The following CCDC68 variants were observed in gnomAD, a reference collection of about 807,000 sequenced individuals.
The protein encoded by CCDC68 is coiled-coil domain containing 68, also known as coiled-coil domain-containing protein 68.
In CCDC68, 45 loss-of-function variants were observed where a neutral mutation model predicts 47.1. The observed-to-expected ratio is 0.96, with a 90% CI of 0.75 to 1.23. CCDC68 has a LOEUF of 1.23. Ranked by LOEUF, CCDC68 falls within the 50% of genes most tolerant of loss-of-function variation. CCDC68 has a pLI of 0.00. For missense variants in CCDC68, 353 were observed against 373.6 expected (o/e 0.94, Z 0.45); for synonymous variants, 131 against 129.5 (o/e 1.01, Z -0.08).
chr18:54,931,455 A>G (rs943930366), intron 7 of CCDC68, among the ~76,000 whole-genome samples: 1 of 152,178 alleles, frequency 6.6e-6, no homozygotes, highest in Non-Finnish European at 1.5e-5. Context: ...CTAACATCTA[A>G]ATGTTTTGGA....
At chr18:54,929,429 T>C (rs183076997) in intron 7 of CCDC68, among the ~76,000 whole-genome samples, 371 of 152,346 alleles carry the variant, frequency 2.4e-3, no homozygotes, top group African/African-American at 8.5e-3. Context: ...TTTATGATGC[T>C]AGGAAAGAAT....
chr18:54,931,648 A>T (rs1555675993), intron 7 of CCDC68, among the ~76,000 whole-genome samples: 1 of 152,188 alleles, frequency 6.6e-6, no homozygotes, highest in Non-Finnish European at 1.5e-5. Context: ...AATGGAGCTA[A>T]ATCAATGACA....
intron 7 of CCDC68, among the ~76,000 whole-genome samples, chr18:54,933,411 G>T (rs2044296455): frequency 6.6e-6 from 1 of 152,172 alleles, no homozygotes; most frequent in African/African-American, 2.4e-5. Flanking sequence ...GGCAGTGACG[G>T]TTGCCACTAA....
intron 5 of CCDC68, chr18:54,937,164 G>A: frequency 3.7e-6 from 2 of 539,860 alleles, no homozygotes; most frequent in Middle Eastern, 5.1e-4. Flanking sequence ...TGTTGAACAG[G>A]CAGATTTGCC....
intron 7 of CCDC68, among the ~76,000 whole-genome samples, chr18:54,931,124 A>G (rs758617460): frequency 8.1e-4 from 123 of 152,252 alleles, no homozygotes; most frequent in Non-Finnish European, 1.4e-3. Flanking sequence ...GTGCCTAACA[A>G]ATGTTAAATA....
intron 1 of CCDC68, among the ~76,000 whole-genome samples, chr18:54,952,082 G>A (rs1431224060): frequency 6.6e-6 from 1 of 152,146 alleles, no homozygotes; most frequent in Non-Finnish European, 1.5e-5. Context: ...TTGCTTGTAG[G>A]ACATGATTTG....
chr18:54,929,191 G>A (rs186780843), intron 7 of CCDC68, among the ~76,000 whole-genome samples: 1 of 152,220 alleles, frequency 6.6e-6, no homozygotes, highest in East Asian at 1.9e-4. Flanking sequence ...CCTACCACAT[G>A]TAAACATCCT....
intron 8 of CCDC68, among the ~76,000 whole-genome samples, chr18:54,924,800 A>T (rs2044118820): frequency 6.6e-6 from 1 of 151,912 alleles, no homozygotes. Flanking sequence ...CTCTCCCTCC[A>T]CTCCTCACAA....
chr18:54,952,359 A>G (rs774362145), intron 1 of CCDC68, among the ~76,000 whole-genome samples: 1 of 152,258 alleles, frequency 6.6e-6, no homozygotes, highest in Non-Finnish European at 1.5e-5. Context: ...TTTATAAAAT[A>G]CCTACAGTTT....
At chr18:54,938,354 T>A (rs2044383535) in intron 4 of CCDC68, among the ~76,000 whole-genome samples, 1 of 152,254 alleles carries the variant, frequency 6.6e-6, no homozygotes, top group Admixed American at 6.5e-5. Flanking sequence ...GTTTCAAATG[T>A]ACTGATAAGG....
intron 7 of CCDC68, among the ~76,000 whole-genome samples, chr18:54,930,802 T>A (rs2044243053): frequency 6.7e-6 from 1 of 150,318 alleles, no homozygotes; most frequent in Non-Finnish European, 1.5e-5. Flanking sequence ...CACTGCAACC[T>A]CCGCCTCCCA....
intron 1 of CCDC68, 136 bp from the exon 2 acceptor site, chr18:54,945,613 G>C (rs543594115): frequency 6.6e-6 from 1 of 152,238 alleles, no homozygotes; most frequent in African/African-American, 2.4e-5. Context: ...ATACTACAAA[G>C]TCCTGCATTT....
intron 2 of CCDC68, among the ~76,000 whole-genome samples, chr18:54,943,194 CGT>C (rs1261878469): frequency 6.6e-6 from 1 of 151,900 alleles, no homozygotes; most frequent in African/African-American, 2.4e-5. Flanking sequence ...GTTTTGTGTG[CGT>C]GTGTGTATCT....
At chr18:54,939,177 C>G (rs2044396699) in intron 4 of CCDC68, among the ~76,000 whole-genome samples, 1 of 152,166 alleles carries the variant, frequency 6.6e-6, no homozygotes, top group African/African-American at 2.4e-5. Context: ...CTCACCGTAA[C>G]TCTGTCACAG....
At chr18:54,924,608 T>C (rs2044115674) in intron 8 of CCDC68, among the ~76,000 whole-genome samples, 1 of 152,176 alleles carries the variant, frequency 6.6e-6, no homozygotes, top group East Asian at 1.9e-4. Flanking sequence ...TCCTTAGCAT[T>C]CAAGAAAGGA....
chr18:54,915,613 A>G (rs1011779292), intron 10 of CCDC68, among the ~76,000 whole-genome samples: 1 of 152,170 alleles, frequency 6.6e-6, no homozygotes, highest in Non-Finnish European at 1.5e-5. Flanking sequence ...TATGGAATGA[A>G]TGAATGTTAG....
At chr18:54,952,452 C>G (rs1264532318) in intron 1 of CCDC68, among the ~76,000 whole-genome samples, 1 of 152,120 alleles carries the variant, frequency 6.6e-6, no homozygotes, top group Non-Finnish European at 1.5e-5. Context: ...AAAAGAGAAA[C>G]CATACCAGTT....
At chr18:54,946,242 G>A (rs998192881) in intron 1 of CCDC68, among the ~76,000 whole-genome samples, 12 of 152,152 alleles carry the variant, frequency 7.9e-5, no homozygotes, top group Admixed American at 4.6e-4. Context: ...TCGCTTTGGC[G>A]CCACAAACAG....
chr18:54,920,282 G>A (rs577140511), intron 8 of CCDC68, among the ~76,000 whole-genome samples: 1 of 146,764 alleles, frequency 6.8e-6, no homozygotes, highest in Admixed American at 6.8e-5. Flanking sequence ...TTTTTCAGAC[G>A]GAGTCTTACT....
Sources: allele counts gnomAD v4.1 joint callset (sites outside exome capture counted in the v4.1 genomes callset), GRCh38; gene constraint gnomAD v4.1.1; transcripts MANE v1.5; gene names NCBI Gene and HGNC (gene_info 2026-07-23, HGNC 2026-07-21).